The following SCYL2 variants were observed in gnomAD, a reference collection of about 807,000 sequenced individuals.
SCYL2 encodes SCY1 like pseudokinase 2.
Under a neutral mutation model 100.4 loss-of-function variants are expected in SCYL2, and 36 were observed. The observed-to-expected ratio is 0.36, with a 90% CI of 0.27 to 0.47. The LOEUF (loss-of-function observed/expected upper bound fraction) is 0.47, where lower values mean the gene tolerates loss of function less well. SCYL2 is among the 20% of genes least tolerant of loss of function. SCYL2 has a pLI of 1.00. For synonymous variants in SCYL2, 330 were observed against 359.2 expected (o/e 0.92, Z 0.92); for missense variants, 902 against 1,083.9 (o/e 0.83, Z 2.36).
At chr12:100,300,504 C>G (rs1592945822) in intron 4 of SCYL2, among the ~76,000 whole-genome samples, 2 of 152,246 alleles carry the variant, frequency 1.3e-5, no homozygotes, top group Middle Eastern at 3.4e-3. Flanking sequence ...CCATTATACT[C>G]CTTTAGCTAT....
At chr12:100,332,003 A>G (rs1338782262) in intron 13 of SCYL2, among the ~76,000 whole-genome samples, 1 of 152,208 alleles carries the variant, frequency 6.6e-6, no homozygotes, top group East Asian at 1.9e-4. Flanking sequence ...CTCAGGACTC[A>G]GCATATAGTT....
chr12:100,326,697 C>G lies in SCYL2; in HGVS notation c.1585C>G (p.Leu529Val). ...LDKWFVLDDI[L>V]PFLQQIPSKE... Reference sequence around the variant, plus strand: ...TAAGTGGTTTGTACTTGATGATATCCTACCCTTCTTACAACAAATTCCATC... The same window carrying G: ...TAAGTGGTTTGTACTTGATGATATCGTACCCTTCTTACAACAAATTCCATC... Residue 529 changes from leucine (L) to valine (V), a missense_variant, in exon 12 of 18, where the codon CTA (leucine) becomes GTA (valine). Physicochemically the swap from Leu to Val is conservative, Grantham distance 32 (BLOSUM62 1). Transcript: ENST00000360820. The G allele has an allele frequency of 1.2e-6, 2 of 1,611,246 alleles. No homozygotes were observed. The highest frequency in any genetic ancestry group is 1.7e-6 in the Non-Finnish European group (2 of 1,178,962).
chr12:100,340,059 GAATT>G lies in SCYL2; in HGVS notation c.*890_*893del. The G allele has an allele frequency of 6.6e-6, 1 of 152,660 alleles. No individual in the cohort carries two copies. The highest frequency in any genetic ancestry group is 1.9e-4 in the East Asian group (1 of 5,188). The allele number at this position is 152,660 out of a possible 1,614,324, so 9.5% of individuals were successfully genotyped here. On this transcript the variant is annotated 3_prime_UTR_variant, in exon 18 of 18. Transcript: ENST00000360820. ...TGCATTTTCAAAAGAAGATTTGTAA[GAATT>G]AAACTATATTTATGAGTAAACTTTT...
intron 4 of SCYL2, among the ~76,000 whole-genome samples, chr12:100,308,812 A>C (rs1005897927): frequency 6.6e-6 from 1 of 152,026 alleles, no homozygotes; most frequent in African/African-American, 2.4e-5. Context: ...GTCTCGTTCA[A>C]ATGCTCCCTT....
In SCYL2 at chr12:100,339,414, C is replaced by T. The variant is rs1952325344; in HGVS notation, c.*242C>T. On this transcript the variant is annotated 3_prime_UTR_variant, in exon 18 of 18. Coordinates refer to ENST00000360820, the MANE Select transcript of SCYL2 (RefSeq NM_017988.6). ...TCTTCAGGTTTTTAAAGACCCAGCC[C>T]TTCCCAATCTCAAAGAGAAAAAGGA... 2.3e-6 allele frequency: 1 copy of T among 435,006 alleles called. No individual in the cohort carries two copies. The allele number at this position is 435,006 out of a possible 1,614,324, so 26.9% of individuals were successfully genotyped here. A position where few individuals can be genotyped will look rare whatever the true frequency, so the allele number is the denominator to read the frequency against.
Position 100,283,182 on chromosome 12 carries a change from C to A in SCYL2, c.177+35C>A, listed in dbSNP as rs7965910. The A allele has an allele frequency of 0.2, 304,409 of 1,530,252 alleles. 32,322 individuals are homozygous for A. Among genetic ancestry groups the A allele is most frequent in the African/African-American group, 0.33 (23,468 of 71,798 alleles). The allele number at this position is 1,530,252 out of a possible 1,614,324, so 94.8% of individuals were successfully genotyped here. A position where few individuals can be genotyped will look rare whatever the true frequency, so the allele number is the denominator to read the frequency against. On this transcript the variant is annotated intron_variant, in intron 2 of 17. Transcript: ENST00000360820. ...AATTCAGCATCCACTTGGAAAAAAC[C>A]CACATGCTAAGAACCATAAAATGCA...
intron 1 of SCYL2, among the ~76,000 whole-genome samples, chr12:100,269,869 T>C (rs1399808966): frequency 6.6e-6 from 1 of 152,232 alleles, no homozygotes; most frequent in Non-Finnish European, 1.5e-5. Flanking sequence ...TAGGCATCTA[T>C]GTGGTTTAAG....
At chr12:100,269,969 T>G (rs1338478866) in intron 1 of SCYL2, among the ~76,000 whole-genome samples, 3 of 152,102 alleles carry the variant, frequency 2.0e-5, no homozygotes, top group African/African-American at 7.2e-5. Context: ...TTTCATACAT[T>G]GTATTTGAGA....
chr12:100,294,362 G>C (rs2096314838), intron 3 of SCYL2, among the ~76,000 whole-genome samples: 3 of 116,844 alleles, frequency 2.6e-5, no homozygotes, highest in East Asian at 2.7e-4. Flanking sequence ...TCCCAGACGG[G>C]GCGGCTGGCC....
intron 12 of SCYL2, 81 bp from the exon 13 acceptor site, chr12:100,329,120 T>G: frequency 1.4e-6 from 1 of 704,086 alleles, no homozygotes; most frequent in Non-Finnish European, 2.5e-6. Flanking sequence ...ATCAAGGGAT[T>G]TCGTATACAT....
At chr12:100,285,275 C>T (rs1307328730) in intron 2 of SCYL2, among the ~76,000 whole-genome samples, 1 of 152,174 alleles carries the variant, frequency 6.6e-6, no homozygotes, top group Non-Finnish European at 1.5e-5. Context: ...TGTTTTTGAA[C>T]TTTATTTAAA....
At chr12:100,285,693 A>G (rs1773239209) in intron 2 of SCYL2, among the ~76,000 whole-genome samples, 1 of 152,298 alleles carries the variant, frequency 6.6e-6, no homozygotes, top group Admixed American at 6.5e-5. Flanking sequence ...CATAGAATTT[A>G]TACCATTATA....
At position 100,267,712 on chromosome 12, in the gene SCYL2, C is replaced by G. The variant is rs940364770; in HGVS notation, c.-109C>G. 1.3e-5 allele frequency: 2 copies of G among 152,460 alleles called. No homozygotes were observed. Among genetic ancestry groups the G allele is most frequent in the African/African-American group, 4.8e-5 (2 of 41,446 alleles). 9.4% of individuals were successfully genotyped at this position (152,460 alleles called of 1,614,324 possible). A position where few individuals can be genotyped will look rare whatever the true frequency, so the allele number is the denominator to read the frequency against. On this transcript the variant is annotated 5_prime_UTR_variant, in exon 1 of 18. Transcript: ENST00000360820. The stretch of plus-strand genomic sequence containing the variant: ...AGTCAGCTGCCGGAGGGAGAGCCCC[C>G]CATGCCGGCTCGAGAGCTCGGGTTT...
At chr12:100,316,957 G>A in intron 9 of SCYL2, among the ~76,000 whole-genome samples, 1 of 152,032 alleles carries the variant, frequency 6.6e-6, no homozygotes, top group East Asian at 1.9e-4. Context: ...ACAAAAATAA[G>A]CCAGGTGCCT....
intron 4 of SCYL2, among the ~76,000 whole-genome samples, chr12:100,309,133 T>TGTGTGTGTGTGTGTGTGTGCGC (rs1442815826): frequency 1.3e-5 from 2 of 150,016 alleles, no homozygotes; most frequent in African/African-American, 5.0e-5. Flanking sequence ...TGTGTGTGTG[T>TGTGTGTGTGTGTGTGTGTGCGC]GCGCGCGCGT....
chr12:100,314,522 C>T lies in SCYL2; in HGVS notation c.1003C>T (p.Leu335=). The change falls in exon 8 of 18, where the codon CTG becomes TTG. Residue 335 remains leucine (L), a synonymous_variant. Transcript: ENST00000360820. ...PFFDDVGAVT[L]QYFDTLFQRD... ...CTTTGATGATGTTGGTGCAGTAACA[C>T]TGCAATATTTTGATACCTTATTCCA... 4 of 1,592,106 alleles carry T rather than the reference C, an allele frequency of 2.5e-6. No homozygotes were observed. Among genetic ancestry groups the T allele is most frequent in the African/African-American group, 1.4e-5 (1 of 74,012 alleles).
chr12:100,305,479 A>G (rs1361076385), intron 4 of SCYL2, among the ~76,000 whole-genome samples: 1 of 152,228 alleles, frequency 6.6e-6, no homozygotes, highest in Non-Finnish European at 1.5e-5. Flanking sequence ...ACAACATACC[A>G]GAATCTCTGG....
At chr12:100,332,315 A>G (rs905318366) in intron 13 of SCYL2, among the ~76,000 whole-genome samples, 6 of 152,182 alleles carry the variant, frequency 3.9e-5, no homozygotes, top group Admixed American at 3.9e-4. Flanking sequence ...ACAGCATAGA[A>G]CATATTCTTT....
At chr12:100,325,962 C>T (rs2096361291) in intron 11 of SCYL2, among the ~76,000 whole-genome samples, 1 of 151,816 alleles carries the variant, frequency 6.6e-6, no homozygotes, top group Admixed American at 6.6e-5. Context: ...TTATTTTCTG[C>T]CTTTGTTGGT....
Sources: gnomAD v4.1 joint callset for allele counts (sites outside exome capture counted in the v4.1 genomes callset) on GRCh38, gnomAD v4.1.1 for gene constraint, MANE v1.5 for transcripts, NCBI Gene and HGNC (gene_info 2026-07-23, HGNC 2026-07-21) for gene names.